CDC45: variants seen among roughly 807,000 people sequenced by gnomAD.
CDC45 encodes the protein cell division control protein 45 homolog.
CDC45 carries 54 observed loss-of-function variants against 77.8 expected under a neutral mutation model. The observed-to-expected ratio is 0.69, with a 90% CI of 0.56 to 0.87. CDC45 has a LOEUF of 0.87. Among genes scored for constraint, CDC45 ranks in the 40% least tolerant of loss-of-function variants. CDC45 has a pLI of 0.00. For missense variants in CDC45, 649 were observed against 721.6 expected (o/e 0.90, Z 1.15); for synonymous variants, 260 against 272.1 (o/e 0.96, Z 0.44).
chr22:19,499,277 C>CAAGGAGGAGGGCCAG, intron 9 of CDC45, 126 bp downstream of exon 9: 1 of 909,370 alleles, frequency 1.1e-6, no homozygotes, highest in Non-Finnish European at 1.8e-6. Flanking sequence ...AGGACTGGCC[C>CAAGGAGGAGGGCCAG]TCCTCCTTGG....
intron 4 of CDC45, among the ~76,000 whole-genome samples, chr22:19,483,380 C>T (rs1054078721): frequency 6.6e-6 from 1 of 151,950 alleles, no homozygotes. Context: ...TGCAGTGAGC[C>T]GAGATCGTGC....
chr22:19,493,246 T>TGTTTTGTTTTGTTTG (rs2090183685), intron 5 of CDC45, among the ~76,000 whole-genome samples: 1 of 151,334 alleles, frequency 6.6e-6, no homozygotes, highest in Non-Finnish European at 1.5e-5. Context: ...TTTGTTGTTT[T>TGTTTTGTTTTGTTTG]GTTTTGTTTT....
At chr22:19,499,764 CCTT>C (rs2090307781) in intron 9 of CDC45, among the ~76,000 whole-genome samples, 1 of 152,176 alleles carries the variant, frequency 6.6e-6, no homozygotes, top group South Asian at 2.1e-4. Flanking sequence ...AGTGGCCCAA[CCTT>C]CTCTAGTGGC....
chr22:19,493,267 G>GTTTTGTTTTGTT (rs374412844), intron 5 of CDC45, among the ~76,000 whole-genome samples: 4 of 149,072 alleles, frequency 2.7e-5, no homozygotes, highest in Admixed American at 6.7e-5. Flanking sequence ...GTTTTGTTTT[G>GTTTTGTTTTGTT]TTGTCTGCAC....
At chr22:19,504,122 T>G (rs1056122985) in intron 9 of CDC45, among the ~76,000 whole-genome samples, 6 of 152,160 alleles carry the variant, frequency 3.9e-5, no homozygotes, top group African/African-American at 1.4e-4. Context: ...CACCATAATG[T>G]GTTATAGGAC....
intron 5 of CDC45, among the ~76,000 whole-genome samples, chr22:19,488,775 C>T (rs548097508): frequency 1.3e-5 from 2 of 152,180 alleles, no homozygotes; most frequent in Non-Finnish European, 2.9e-5. Flanking sequence ...CAAAAAGTTT[C>T]CTCACCAGGA....
chr22:19,516,561 T>C lies in CDC45; in HGVS notation c.1475T>C (p.Val492Ala). ...CGGCGCTGCAAACTGCTGCCCCTGG[T>C]GATGGCTGCCCCCCTGAGCATGGAG... ...KNRRCKLLPL[V>A]MAAPLSMEHG... The change falls in exon 16 of 19, where the codon GTG (valine) becomes GCG (alanine). Residue 492 changes from valine to alanine, a missense_variant. Physicochemically the swap from Val to Ala is moderately conservative, Grantham distance 64 (BLOSUM62 0). Coordinates refer to ENST00000263201, the MANE Select transcript of CDC45 (RefSeq NM_003504.5). The C allele has an allele frequency of 1.2e-6, 2 of 1,613,974 alleles. No homozygotes were observed. Among genetic ancestry groups the C allele is most frequent in the Non-Finnish European group, 1.7e-6 (2 of 1,179,970 alleles).
chr22:19,514,897 C>A lies in CDC45; in HGVS notation c.1356+10C>A. 1 of 1,614,232 alleles carries A rather than the reference C, an allele frequency of 6.2e-7. No homozygotes were observed. The highest frequency in any genetic ancestry group is 1.1e-5 in the South Asian group (1 of 91,084). On this transcript the variant is annotated intron_variant, in intron 14 of 18. Transcript: ENST00000263201. ...CTGCTCTCTCATGGAGGTCAGGCTT[C>A]CCACAGAGCACAGGCGCCTGGTCAC... is the stretch of plus-strand genomic sequence containing the variant.
intron 5 of CDC45, among the ~76,000 whole-genome samples, chr22:19,486,044 T>G (rs2146341285): frequency 6.6e-6 from 1 of 152,352 alleles, no homozygotes; most frequent in Non-Finnish European, 1.5e-5. Flanking sequence ...TTTCTTGAGA[T>G]GGAGTCTCAC....
At chr22:19,504,368 C>G (rs537491947) in intron 9 of CDC45, among the ~76,000 whole-genome samples, 2 of 152,178 alleles carry the variant, frequency 1.3e-5, no homozygotes, top group East Asian at 3.9e-4. Context: ...GGCGCTGTCT[C>G]GGCTCATCGC....
chr22:19,486,941 G>A (rs1157607941), intron 5 of CDC45, among the ~76,000 whole-genome samples: 1 of 152,040 alleles, frequency 6.6e-6, no homozygotes, highest in East Asian at 2.0e-4. Flanking sequence ...CTCCCAAAGT[G>A]CTGGGATTAC....
rs572933667 is a variant in CDC45, at chr22:19,508,546, G to A, written c.1072G>A (p.Val358Met). Residue 358 changes from valine to methionine, a missense_variant, in exon 13 of 19, where the codon GTG (valine) becomes ATG (methionine). Coordinates refer to ENST00000263201, the MANE Select transcript of CDC45 (RefSeq NM_003504.5). ...CCATGACAGGATGAAGGACATGCGC[G>A]TGCAGACTTTCAGCATTCATTTTGG... ...ANKFGMKDMR[V>M]QTFSIHFGFK... The A allele has an allele frequency of 1.2e-5, 20 of 1,614,204 alleles. No homozygotes were observed. The highest frequency in any genetic ancestry group is 5.5e-5 in the South Asian group (5 of 91,084).
At chr22:19,487,083 C>T (rs2146344409) in intron 5 of CDC45, among the ~76,000 whole-genome samples, 1 of 152,050 alleles carries the variant, frequency 6.6e-6, no homozygotes. Context: ...CACCTGAGGT[C>T]AGGAGTTTGA....
At position 19,497,448 on chromosome 22, in the gene CDC45, G is replaced by A. The variant is rs763308441; in HGVS notation, c.653+1G>A. On this transcript the variant is annotated splice_donor_variant, in intron 8 of 18. Transcript: ENST00000263201. LOFTEE classifies it high-confidence loss of function. ...CCAAGGACCTGAATGACATGCTGTGGTACGTAGCCCCTGCGGCAGCTGTGT... is the reference window on the plus strand; with the variant it reads ...CCAAGGACCTGAATGACATGCTGTGATACGTAGCCCCTGCGGCAGCTGTGT... 6.2e-7 allele frequency: 1 copy of A among 1,613,668 alleles called. No homozygotes were observed. The highest frequency in any genetic ancestry group is 1.1e-5 in the South Asian group (1 of 91,062).
chr22:19,480,307 G>T, intron 2 of CDC45, 90 bp downstream of exon 2: 1 of 1,193,382 alleles, frequency 8.4e-7, no homozygotes, highest in African/African-American at 1.5e-5. Flanking sequence ...GTCAGGATGG[G>T]TGCTGAGGGC....
chr22:19,502,707 A>G (rs1327563715), intron 9 of CDC45, among the ~76,000 whole-genome samples: 2 of 152,252 alleles, frequency 1.3e-5, no homozygotes, highest in Admixed American at 6.5e-5. Flanking sequence ...AGCAGTTTCT[A>G]TAGCAGTTTG....
chr22:19,497,305 G>A, intron 7 of CDC45, 81 bp from the exon 8 acceptor site: 1 of 1,336,572 alleles, frequency 7.5e-7, no homozygotes, highest in Non-Finnish European at 1.1e-6. Context: ...GGCCCTTCTG[G>A]CTCAAGTCCA....
chr22:19,512,587 G>A (rs369232004), intron 13 of CDC45, among the ~76,000 whole-genome samples: 1 of 152,096 alleles, frequency 6.6e-6, no homozygotes, highest in African/African-American at 2.4e-5. Context: ...AGCATTGATG[G>A]GTAGGCTTTA....
At chr22:19,501,447 A>G (rs1041452571) in intron 9 of CDC45, among the ~76,000 whole-genome samples, 2 of 152,230 alleles carry the variant, frequency 1.3e-5, no homozygotes, top group Admixed American at 6.5e-5. Flanking sequence ...TCTCCATGCA[A>G]CTGGCACCCC....
Sources: gnomAD v4.1 joint callset for allele counts (sites outside exome capture counted in the v4.1 genomes callset) on GRCh38, gnomAD v4.1.1 for gene constraint, MANE v1.5 for transcripts, NCBI Gene and HGNC (gene_info 2026-07-23, HGNC 2026-07-21) for gene names.